Variants in FNDC3A observed in about 807,000 individuals in gnomAD.
FNDC3A encodes fibronectin type-III domain-containing protein 3A.
FNDC3A carries 32 observed loss-of-function variants against 148.9 expected under a neutral mutation model. The ratio of observed to expected loss-of-function variants is 0.21; its 90% CI spans 0.16 to 0.29. The LOEUF is 0.29. FNDC3A is among the 10% of genes least tolerant of loss of function. The probability of loss-of-function intolerance (pLI) is 1.00; values close to 1 mark genes in which losing one functional copy is unlikely to be tolerated. For synonymous variants in FNDC3A, 472 were observed against 473.6 expected (o/e 1.00, Z 0.04); for missense variants, 1,191 against 1,452.8 (o/e 0.82, Z 2.93).
chr13:48,994,743 C>T (rs9316425), intron 1 of FNDC3A, among the ~76,000 whole-genome samples: 4,593 of 151,472 alleles, frequency 0.03, 78 homozygotes, highest in Middle Eastern at 0.058. Flanking sequence ...TGCCACTGCT[C>T]TCCAGCCTGG....
At chr13:49,202,959 G>C (rs936985974) in intron 24 of FNDC3A, among the ~76,000 whole-genome samples, 198 bp from the exon 25 acceptor site, 1 of 152,228 alleles carries the variant, frequency 6.6e-6, no homozygotes, top group African/African-American at 2.4e-5. Flanking sequence ...GGGTGACAGA[G>C]TGAGATCCCA....
chr13:49,127,236 T>G (rs192240190), intron 4 of FNDC3A, among the ~76,000 whole-genome samples: 1 of 152,368 alleles, frequency 6.6e-6, no homozygotes, highest in Non-Finnish European at 1.5e-5. Flanking sequence ...TGCTAGATTA[T>G]TTTCATTAGT....
intron 7 of FNDC3A, among the ~76,000 whole-genome samples, chr13:49,142,693 T>G (rs1174208125): frequency 6.6e-6 from 1 of 152,214 alleles, no homozygotes; most frequent in Non-Finnish European, 1.5e-5. Context: ...GTTATAAGCT[T>G]TGGAATATAA....
At chr13:49,004,676 C>A (rs1952188601) in intron 1 of FNDC3A, among the ~76,000 whole-genome samples, 1 of 151,728 alleles carries the variant, frequency 6.6e-6, no homozygotes, top group Non-Finnish European at 1.5e-5. Flanking sequence ...ATAATGGCGG[C>A]CTGCAGTTTT....
intron 2 of FNDC3A, among the ~76,000 whole-genome samples, chr13:49,014,964 G>A (rs888230191): frequency 6.6e-6 from 1 of 151,478 alleles, no homozygotes; most frequent in African/African-American, 2.4e-5. Flanking sequence ...CTATATCTCT[G>A]TTTTGGTACC....
intron 1 of FNDC3A, among the ~76,000 whole-genome samples, chr13:48,979,929 A>G (rs1427779010): frequency 6.6e-6 from 1 of 152,188 alleles, no homozygotes; most frequent in East Asian, 1.9e-4. Context: ...CAGGGGACCT[A>G]GTTTGCTGAC....
intron 8 of FNDC3A, among the ~76,000 whole-genome samples, chr13:49,150,746 A>G (rs1883241835): frequency 6.6e-6 from 1 of 152,080 alleles, no homozygotes; most frequent in African/African-American, 2.4e-5. Flanking sequence ...AGAGATCAAG[A>G]CCATCCTGGC....
intron 4 of FNDC3A, among the ~76,000 whole-genome samples, chr13:49,122,098 C>T (rs955599631): frequency 6.6e-5 from 10 of 152,140 alleles, no homozygotes; most frequent in Non-Finnish European, 1.3e-4. Context: ...TGAAAATCCT[C>T]AATAAAATAA....
At chr13:49,092,507 C>T (rs970515015) in intron 3 of FNDC3A, among the ~76,000 whole-genome samples, 1 of 152,124 alleles carries the variant, frequency 6.6e-6, no homozygotes, top group African/African-American at 2.4e-5. Context: ...TTTCCCAGCC[C>T]ACTAACTCAA....
chr13:49,095,410 G>T (rs944559363), intron 3 of FNDC3A: 1 of 151,952 alleles, frequency 6.6e-6, no homozygotes, highest in Non-Finnish European at 1.5e-5. Flanking sequence ...AAATGCAGTG[G>T]TGTTTACAAC....
chr13:49,045,762 A>G (rs189753317), intron 2 of FNDC3A: 1 of 651,822 alleles, frequency 1.5e-6, no homozygotes, highest in Non-Finnish European at 2.6e-6. Flanking sequence ...TGATTTTGAC[A>G]GCATAGCATC....
intron 10 of FNDC3A, 68 bp from the exon 11 acceptor site, chr13:49,171,975 A>T: frequency 9.6e-7 from 1 of 1,043,122 alleles, no homozygotes; most frequent in Non-Finnish European, 1.5e-6. Context: ...TCCTTATATT[A>T]GATCATCACA....
chr13:49,030,723 C>T (rs915354086), intron 2 of FNDC3A, among the ~76,000 whole-genome samples: 30 of 151,920 alleles, frequency 2.0e-4, no homozygotes, highest in African/African-American at 7.0e-4. Flanking sequence ...GGGCAATGAA[C>T]AATCTGAAAA....
intron 2 of FNDC3A, among the ~76,000 whole-genome samples, chr13:49,025,285 G>C (rs1873619791): frequency 6.6e-6 from 1 of 151,994 alleles, no homozygotes; most frequent in Non-Finnish European, 1.5e-5. Flanking sequence ...AAGTGATTTA[G>C]ATAGCTTTTC....
At position 49,138,728 on chromosome 13, in the gene FNDC3A, A is replaced by G. The variant is rs1303364572; in HGVS notation, c.761-19A>G. On this transcript the variant is annotated intron_variant, in intron 6 of 25. Coordinates refer to ENST00000492622, the MANE Select transcript of FNDC3A (RefSeq NM_001079673.2). ...CTAAGTTCTTTTTTTTAAATATTCA[A>G]ATGTTTTATTTTTTTAAGAAAAAGA... is the stretch of plus-strand genomic sequence containing the variant. 2 of 1,263,346 alleles carry G rather than the reference A, an allele frequency of 1.6e-6. No individual in the cohort carries two copies. The highest frequency in any genetic ancestry group is 2.2e-6 in the Non-Finnish European group (2 of 895,066). The allele number at this position is 1,263,346 out of a possible 1,614,324, so 78.3% of individuals were successfully genotyped here.
rs1880812782 is a variant in FNDC3A at position 49,114,645 on chromosome 13, A to G, written c.176-10A>G. 1.9e-6 allele frequency: 3 copies of G among 1,597,304 alleles called. No homozygotes were observed. The highest frequency in any genetic ancestry group is 1.7e-4 in the Middle Eastern group (1 of 6,018). On this transcript the variant is annotated splice_polypyrimidine_tract_variant and intron_variant, in intron 3 of 25. Coordinates refer to ENST00000492622, the MANE Select transcript of FNDC3A (RefSeq NM_001079673.2). ...CATGGGTTAATACATCATTTATGTG[A>G]CCCATTCAGGTCCTGCTCAGGTTCC...
intron 2 of FNDC3A, among the ~76,000 whole-genome samples, chr13:49,008,797 T>G (rs1424707485): frequency 6.6e-6 from 1 of 152,124 alleles, no homozygotes; most frequent in South Asian, 2.1e-4. Flanking sequence ...TTATGAACCT[T>G]TTTTTGTGGT....
intron 1 of FNDC3A, among the ~76,000 whole-genome samples, chr13:49,000,144 A>G (rs780642819): frequency 9.9e-5 from 15 of 152,218 alleles, no homozygotes; most frequent in South Asian, 2.1e-4. Flanking sequence ...TGTCATATCC[A>G]AGAAATAATT....
At chr13:49,056,907 A>AGTT (rs1876291276) in intron 2 of FNDC3A, among the ~76,000 whole-genome samples, 1 of 152,196 alleles carries the variant, frequency 6.6e-6, no homozygotes, top group Non-Finnish European at 1.5e-5. Context: ...TGATTTTAGG[A>AGTT]GGTCAAAACC....
Sources: gnomAD v4.1 joint callset for allele counts (sites outside exome capture counted in the v4.1 genomes callset) on GRCh38, gnomAD v4.1.1 for gene constraint, MANE v1.5 for transcripts, NCBI Gene and HGNC (gene_info 2026-07-23, HGNC 2026-07-21) for gene names.